GIMAP1: variants seen among roughly 807,000 people sequenced by gnomAD.
GIMAP1 encodes GTPase IMAP family member 1.
For missense variants in GIMAP1, 423 were observed against 411.9 expected, an observed-to-expected ratio of 1.03 and a Z score of -0.23; for synonymous variants, 230 against 187.7, an observed-to-expected ratio of 1.23 and a Z score of -1.84.
At chr7:150,719,601 A>T (rs1227191852) in intron 2 of GIMAP1, 3 of 167,586 alleles carry the variant, frequency 1.8e-5, no homozygotes, top group Admixed American at 1.8e-4. Context: ...CTTAATACTT[A>T]GATTATGCAG....
At chr7:150,719,152 A>G (rs1797257572) in intron 2 of GIMAP1, 62 bp downstream of exon 2, 1 of 1,606,230 alleles carries the variant, frequency 6.2e-7, no homozygotes, top group South Asian at 1.1e-5. Context: ...GGTAATAAGG[A>G]GAATGGGGCT....
chr7:150,717,821 T>C (rs1381822120), intron 1 of GIMAP1, among the ~76,000 whole-genome samples: 4 of 152,218 alleles, frequency 2.6e-5, no homozygotes, highest in African/African-American at 4.8e-5. Flanking sequence ...GTGAATTTTA[T>C]TGAAGGCTTT....
At position 150,722,302 on chromosome 7, in the gene GIMAP1, T is replaced by A. The variant is rs1005853335; in HGVS notation, c.*1377T>A. Reference sequence around the variant, plus strand: ...GCCCTAGGGTCTTCCCCAGCACACGTTGGGAAGAAGGGGTCTGCAAGCATG... The same window carrying A: ...GCCCTAGGGTCTTCCCCAGCACACGATGGGAAGAAGGGGTCTGCAAGCATG... On this transcript the variant is annotated 3_prime_UTR_variant, in exon 3 of 3. Transcript: ENST00000307194. The A allele has an allele frequency of 1.3e-5, 2 of 152,134 alleles. No individual in the cohort carries two copies. The highest frequency in any genetic ancestry group is 2.9e-5 in the Non-Finnish European group (2 of 68,104). The allele number at this position is 152,134 out of a possible 1,614,324, so 9.4% of individuals were successfully genotyped here.
At chr7:150,719,992 G>C (rs1797271291) in intron 2 of GIMAP1, 56 bp from the exon 3 acceptor site, 3 of 1,500,784 alleles carry the variant, frequency 2.0e-6, no homozygotes. Flanking sequence ...GAAGATTCCA[G>C]TTCCCAAGGG....
At chr7:150,718,029 T>C (rs1313172445) in intron 1 of GIMAP1, among the ~76,000 whole-genome samples, 1 of 151,956 alleles carries the variant, frequency 6.6e-6, no homozygotes, top group Non-Finnish European at 1.5e-5. Flanking sequence ...AAGTTTGACA[T>C]GGATGGTGAG....
rs1797303097 is a variant in GIMAP1 at position 150,721,539 on chromosome 7, G to C, written c.*614G>C. The C allele has an allele frequency of 6.6e-6, 1 of 152,238 alleles. No individual in the cohort carries two copies. The highest frequency in any genetic ancestry group is 6.5e-5 in the Admixed American group (1 of 15,290). The allele number at this position is 152,238 out of a possible 1,614,324, so 9.4% of individuals were successfully genotyped here. A position where few individuals can be genotyped will look rare whatever the true frequency, so the allele number is the denominator to read the frequency against. ...CCAAAATGAAGTAAGGGCCGGGCGA[G>C]GTGGCTCACGCCTGTAATCCCAACA... On this transcript the variant is annotated 3_prime_UTR_variant, in exon 3 of 3. Transcript: ENST00000307194.
Position 150,720,353 on chromosome 7 carries a change from C to T in GIMAP1, c.349C>T (p.Leu117=). ...GGCCCCCGGACCCCACGCGCTGCTC[C>T]TGGTGACCCAGTTGGGTCGGTTCAC... ...LSAPGPHALL[L]VTQLGRFTAQ... Residue 117 remains leucine, a synonymous_variant, in exon 3 of 3, where the codon CTG becomes TTG. Coordinates refer to ENST00000307194, the MANE Select transcript of GIMAP1 (RefSeq NM_130759.4). The surrounding 1 kb of genome is among the most constrained non-coding windows in gnomAD (Gnocchi z 4.5). 4.3e-6 allele frequency: 7 copies of T among 1,611,122 alleles called. No individual in the cohort carries two copies. The highest frequency in any genetic ancestry group is 5.9e-6 in the Non-Finnish European group (7 of 1,178,178).
Position 150,723,147 on chromosome 7 carries a change from G to A in GIMAP1, c.*2222G>A, listed in dbSNP as rs2116548935. 1 of 152,130 alleles carries A rather than the reference G, an allele frequency of 6.6e-6. No homozygotes were observed. Among genetic ancestry groups the A allele is most frequent in the Middle Eastern group, 3.4e-3 (1 of 294 alleles). The allele number at this position is 152,130 out of a possible 1,614,324, so 9.4% of individuals were successfully genotyped here. A position where few individuals can be genotyped will look rare whatever the true frequency, so the allele number is the denominator to read the frequency against. ...ATTTGAATAATGTATTATTAAAGAAGTTACAGTTTTCCTTTACATTCAATA... is the reference window on the plus strand; with the variant it reads ...ATTTGAATAATGTATTATTAAAGAAATTACAGTTTTCCTTTACATTCAATA... On this transcript the variant is annotated 3_prime_UTR_variant, in exon 3 of 3. Transcript: ENST00000307194.
In GIMAP1 at chr7:150,720,276, T is replaced by C. The variant is rs1260869151; in HGVS notation, c.272T>C (p.Val91Ala). The change falls in exon 3 of 3, where the codon GTG becomes GCG. Residue 91 changes from valine (V) to alanine (A), a missense_variant. Val to Ala is a moderately conservative substitution (Grantham distance 64, BLOSUM62 0). Coordinates refer to ENST00000307194, the MANE Select transcript of GIMAP1 (RefSeq NM_130759.4). The surrounding 1 kb of genome is among the most constrained non-coding windows in gnomAD (Gnocchi z 4.5). ...VDTPDIFSSQ[V>A]SKTDPGCEER... ...ACTCCGGACATTTTCAGCTCCCAAG[T>C]GTCCAAGACAGATCCTGGCTGTGAG... 2 of 1,614,154 alleles carry C rather than the reference T, an allele frequency of 1.2e-6. No individual in the cohort carries two copies. Among genetic ancestry groups the C allele is most frequent in the East Asian group, 2.2e-5 (1 of 44,878 alleles).
chr7:150,718,919 C>A, intron 1 of GIMAP1, 123 bp from the exon 2 acceptor site: 2 of 1,299,306 alleles, frequency 1.5e-6, no homozygotes, highest in Non-Finnish European at 2.2e-6. Context: ...TGTCTTTTCA[C>A]TGTGCTGTCA....
At chr7:150,719,966 C>T in intron 2 of GIMAP1, 82 bp from the exon 3 acceptor site, 1 of 1,485,626 alleles carries the variant, frequency 6.7e-7, no homozygotes, top group Non-Finnish European at 8.9e-7. Context: ...TTCTTAACCA[C>T]TTATGCTAAA....
rs1273227134 is a variant in GIMAP1 at position 150,720,034 on chromosome 7, A to C, written c.44-14A>C. ...GGTTAAACTTAAGTAAGATTATAAC[A>C]CTTGGTCTCACAGGTTTAGAAGAGA... On this transcript the variant is annotated splice_polypyrimidine_tract_variant and intron_variant, in intron 2 of 2. Transcript: ENST00000307194. This position sits in a 1 kb window ranked among gnomAD's most constrained non-coding sequence, Gnocchi z 4.5. 6.4e-7 allele frequency: 1 copy of C among 1,555,518 alleles called. No individual in the cohort carries two copies. The highest frequency in any genetic ancestry group is 8.7e-7 in the Non-Finnish European group (1 of 1,149,478).
intron 2 of GIMAP1, 58 bp from the exon 3 acceptor site, chr7:150,719,990 C>T: frequency 6.7e-7 from 1 of 1,498,986 alleles, no homozygotes. Flanking sequence ...AAGAAGATTC[C>T]AGTTCCCAAG....
chr7:150,720,599 G>A lies in GIMAP1; in HGVS notation c.595G>A (p.Ala199Thr), dbSNP rs559814177. The A allele has an allele frequency of 5.0e-6, 8 of 1,613,806 alleles. No individual in the cohort carries two copies. In the South Asian group the frequency reaches 8.8e-5, roughly 18 times the overall value. The change falls in exon 3 of 3, where the codon GCC becomes ACC. Residue 199 changes from alanine (A) to threonine (T), a missense_variant. Coordinates refer to ENST00000307194, the MANE Select transcript of GIMAP1 (RefSeq NM_130759.4). The surrounding 1 kb of genome is among the most constrained non-coding windows in gnomAD (Gnocchi z 4.5). Reference protein sequence around the residue: ...DNRATGREQEAQVEQLLGMVE... With the variant: ...DNRATGREQETQVEQLLGMVE... ...CCGGGCCACCGGCCGGGAGCAGGAA[G>A]CCCAGGTGGAGCAGCTGCTGGGGAT...
Position 150,721,919 on chromosome 7 carries a change from AGTCTGTATCTCGAGCTC to A in GIMAP1, c.*995_*1011del. On this transcript the variant is annotated 3_prime_UTR_variant, in exon 3 of 3. Transcript: ENST00000307194. Reference sequence around the variant, plus strand: ...CACACACACACACACACACACACACAGTCTGTATCTCGAGCTCCTCTCTGGTTATGGAGAAGAGGCAG... The same window carrying A: ...CACACACACACACACACACACACACACTCTCTGGTTATGGAGAAGAGGCAG... 1 of 148,914 alleles carries A rather than the reference AGTCTGTATCTCGAGCTC, an allele frequency of 6.7e-6. No individual in the cohort carries two copies. Among genetic ancestry groups the A allele is most frequent in the East Asian group, 1.9e-4 (1 of 5,138 alleles). 9.2% of individuals were successfully genotyped at this position (148,914 alleles called of 1,614,324 possible). A position where few individuals can be genotyped will look rare whatever the true frequency, so the allele number is the denominator to read the frequency against.
intron 2 of GIMAP1, 43 bp downstream of exon 2, chr7:150,719,133 T>G (rs1436015159): frequency 6.2e-7 from 1 of 1,612,940 alleles, no homozygotes; most frequent in African/African-American, 1.3e-5. Context: ...CCCCTAGGCT[T>G]GAACTTAGGG....
Position 150,720,507 on chromosome 7 carries a change from A to G in GIMAP1, c.503A>G (p.Asn168Ser). ...GGCTCCCTGCACGATTACGTGAGCA[A>G]CACAGAGAACCGGGCCTTGCGCGAG... Reference protein sequence around the residue: ...AGGSLHDYVSNTENRALRELV... With the variant: ...AGGSLHDYVSSTENRALRELV... Residue 168 changes from asparagine to serine, a missense_variant, in exon 3 of 3, where the codon AAC becomes AGC. Asn to Ser is a conservative substitution (Grantham distance 46, BLOSUM62 1). Coordinates refer to ENST00000307194, the MANE Select transcript of GIMAP1 (RefSeq NM_130759.4). The surrounding 1 kb of genome is among the most constrained non-coding windows in gnomAD (Gnocchi z 4.5). The G allele has an allele frequency of 6.9e-6, 11 of 1,594,612 alleles. No individual in the cohort carries two copies. The highest frequency in any genetic ancestry group is 9.4e-6 in the Non-Finnish European group (11 of 1,170,630).
chr7:150,716,722 G>C (rs1442491527), intron 1 of GIMAP1, 32 bp downstream of exon 1: 1 of 152,220 alleles, frequency 6.6e-6, no homozygotes, highest in Admixed American at 6.5e-5. Context: ...GCGGGGGCTG[G>C]GGGTGCTCTG....
At position 150,723,490 on chromosome 7, in the gene GIMAP1, A is replaced by G. The variant is rs931394551; in HGVS notation, c.*2565A>G. Reference sequence around the variant, plus strand: ...AGCACAGGGTCCCCCAAATTACTGTATTTCCACCCCTTTCAGCTTATTTTA... The same window carrying G: ...AGCACAGGGTCCCCCAAATTACTGTGTTTCCACCCCTTTCAGCTTATTTTA... On this transcript the variant is annotated 3_prime_UTR_variant, in exon 3 of 3. Coordinates refer to ENST00000307194, the MANE Select transcript of GIMAP1 (RefSeq NM_130759.4). 2 of 152,134 alleles carry G rather than the reference A, an allele frequency of 1.3e-5. No homozygotes were observed. Among genetic ancestry groups the G allele is most frequent in the Non-Finnish European group, 2.9e-5 (2 of 68,032 alleles). The allele number at this position is 152,134 out of a possible 1,614,324, so 9.4% of individuals were successfully genotyped here.
Sources: allele counts gnomAD v4.1 joint callset (sites outside exome capture counted in the v4.1 genomes callset), GRCh38; gene constraint gnomAD v4.1.1; non-coding constraint Gnocchi (gnomAD v3.1); transcripts MANE v1.5; gene names NCBI Gene and HGNC (gene_info 2026-07-23, HGNC 2026-07-21).